The following RUBCN variants were observed in gnomAD, a reference collection of about 807,000 sequenced individuals.
RUBCN encodes run domain Beclin-1-interacting and cysteine-rich domain-containing protein.
RUBCN carries 74 observed loss-of-function variants against 113.2 expected under a neutral mutation model. That is an observed-to-expected ratio of 0.65 (90% CI 0.54 to 0.79). The LOEUF (loss-of-function observed/expected upper bound fraction) is 0.79, where lower values mean the gene tolerates loss of function less well. Ranked by LOEUF, RUBCN falls within the 30% of genes least tolerant of loss-of-function variation. The pLI is 0.00. For synonymous variants in RUBCN, 480 were observed against 490.0 expected (o/e 0.98, Z 0.27); for missense variants, 1,109 against 1,251.7 (o/e 0.89, Z 1.72).
At chr3:197,677,835 G>A (rs894166292) in intron 16 of RUBCN, among the ~76,000 whole-genome samples, 1 of 134,310 alleles carries the variant, frequency 7.4e-6, no homozygotes, top group Non-Finnish European at 1.6e-5. Flanking sequence ...GCTTCAGACT[G>A]TCCCACGCTC....
upstream of RUBCN, among the ~76,000 whole-genome samples, chr3:197,738,626 C>G (rs984146192): frequency 2.0e-5 from 3 of 152,240 alleles, no homozygotes; most frequent in Non-Finnish European, 2.9e-5. Flanking sequence ...TGCTCTGTCA[C>G]CCAGGCTGGG....
At chr3:197,694,222 G>C (rs1056190509) in intron 10 of RUBCN, 153 bp downstream of exon 10, 1 of 797,122 alleles carries the variant, frequency 1.3e-6, no homozygotes, top group Non-Finnish European at 2.2e-6. Flanking sequence ...GCAGGAAACG[G>C]AGCGACTCTA....
At chr3:197,726,805 GC>G (rs1275702323) in intron 1 of RUBCN, among the ~76,000 whole-genome samples, 1 of 152,050 alleles carries the variant, frequency 6.6e-6, no homozygotes, top group African/African-American at 2.4e-5. Flanking sequence ...CTCCCAAAGT[GC>G]TGGGATTACA....
intron 11 of RUBCN, among the ~76,000 whole-genome samples, chr3:197,693,332 T>C (rs1217578414): frequency 6.6e-6 from 1 of 152,240 alleles, no homozygotes; most frequent in Non-Finnish European, 1.5e-5. Flanking sequence ...TTTTTGTCCT[T>C]TTCTCTTTTG....
intron 17 of RUBCN, 104 bp from the exon 18 acceptor site, chr3:197,677,142 C>A: frequency 1.6e-6 from 2 of 1,259,162 alleles, no homozygotes; most frequent in Middle Eastern, 2.6e-4. Flanking sequence ...TGAGGGTGGG[C>A]ACCCATCAGC....
chr3:197,704,840 G>C, intron 3 of RUBCN, 139 bp from the exon 4 acceptor site: 1 of 1,043,790 alleles, frequency 9.6e-7, no homozygotes. Context: ...ATGTAGGCAG[G>C]CTTTTTTGAA....
In RUBCN at chr3:197,691,188, C is replaced by T. The variant is rs1168821369; in HGVS notation, c.1786+2527G>A. On this transcript the variant is annotated intron_variant, in intron 11 of 19. Coordinates refer to ENST00000296343, the MANE Select transcript of RUBCN (RefSeq NM_014687.4). ...TGATAAAAGGGGGCCCTTAGTATTC[C>T]AGCAGGAAATAAACTAATATTCTAT... The T allele has an allele frequency of 4.8e-6, 5 of 1,039,072 alleles. No individual in the cohort carries two copies. In the Admixed American group the frequency reaches 9.3e-5, roughly 19 times the overall value. 64.4% of individuals were successfully genotyped at this position (1,039,072 alleles called of 1,614,324 possible). A position where few individuals can be genotyped will look rare whatever the true frequency, so the allele number is the denominator to read the frequency against.
At chr3:197,740,247 T>TC (rs1728470586), upstream of RUBCN, among the ~76,000 whole-genome samples, 1 of 151,646 alleles carries the variant, frequency 6.6e-6, no homozygotes, top group African/African-American at 2.4e-5. Context: ...TGTTTTTTTT[T>TC]CTTTTGAGAT....
At chr3:197,687,298 G>A (rs1721956255) in intron 11 of RUBCN, among the ~76,000 whole-genome samples, 1 of 152,188 alleles carries the variant, frequency 6.6e-6, no homozygotes, top group African/African-American at 2.4e-5. Flanking sequence ...AAAAGGGATG[G>A]GGGAGAAGGA....
At chr3:197,701,684 G>T in intron 6 of RUBCN, 24 bp downstream of exon 6, 1 of 1,610,374 alleles carries the variant, frequency 6.2e-7, no homozygotes, top group South Asian at 1.1e-5. Flanking sequence ...TAAATGTAAT[G>T]ACCACTTTTT....
At chr3:197,689,829 A>G (rs1233129775) in intron 11 of RUBCN, among the ~76,000 whole-genome samples, 3 of 152,116 alleles carry the variant, frequency 2.0e-5, no homozygotes, top group Admixed American at 2.0e-4. Flanking sequence ...AATACTTCGA[A>G]TCTCTTCTAG....
intron 1 of RUBCN, among the ~76,000 whole-genome samples, chr3:197,744,959 C>G (rs551479420): frequency 2.6e-4 from 39 of 152,190 alleles, no homozygotes; most frequent in African/African-American, 8.2e-4. Context: ...CAGTATGTGT[C>G]TTTTATTATC....
chr3:197,714,730 T>C (rs1316699113), intron 2 of RUBCN, among the ~76,000 whole-genome samples: 1 of 152,148 alleles, frequency 6.6e-6, no homozygotes, highest in Non-Finnish European at 1.5e-5. Flanking sequence ...AGCTTAGAGT[T>C]CCAGGTAGTT....
intron 1 of RUBCN, among the ~76,000 whole-genome samples, chr3:197,742,120 C>T (rs1728550499): frequency 6.6e-6 from 1 of 151,936 alleles, no homozygotes; most frequent in African/African-American, 2.4e-5. Context: ...TGGTTTCGAT[C>T]TCCTGACCTC....
chr3:197,680,903 T>C (rs1721143924), intron 16 of RUBCN, among the ~76,000 whole-genome samples: 1 of 150,914 alleles, frequency 6.6e-6, no homozygotes, highest in Non-Finnish European at 1.5e-5. Flanking sequence ...AGTGAGGGCA[T>C]GAACGGAGAG....
In RUBCN at chr3:197,669,750, A is replaced by G. The variant is rs1361880360; in HGVS notation, c.*5268T>C. Among the ~76,000 whole-genome samples, 2 of 152,228 alleles carry G rather than the reference A, an allele frequency of 1.3e-5. No individual in the cohort carries two copies. The highest frequency in any genetic ancestry group is 2.9e-5 in the Non-Finnish European group (2 of 68,044). On this transcript the variant is annotated 3_prime_UTR_variant, in exon 20 of 20. Transcript: ENST00000296343. The stretch of plus-strand genomic sequence containing the variant: ...GGGAGAATTTACGTATTTTGTTTAG[A>G]ATTCTTCTGTGAGAATTTATTTATT...
chr3:197,714,712 G>A (rs1262098197), intron 2 of RUBCN, among the ~76,000 whole-genome samples: 1 of 152,142 alleles, frequency 6.6e-6, no homozygotes, highest in Admixed American at 6.5e-5. Context: ...TGATAAAAAA[G>A]CAAGATGAGC....
chr3:197,749,501 C>G (rs781742770), exon 1 of RUBCN: 48 of 1,288,006 alleles, frequency 3.7e-5, no homozygotes, highest in Non-Finnish European at 4.6e-5. Context: ...CAGCTGCAAT[C>G]TACACTCGCA....
In RUBCN at chr3:197,670,690, TCA is replaced by T. The variant is rs752453194; in HGVS notation, c.*4326_*4327del. Among the ~76,000 whole-genome samples, 3 of 152,232 alleles carry T rather than the reference TCA, an allele frequency of 2.0e-5. No homozygotes were observed. Among genetic ancestry groups the T allele is most frequent in the Admixed American group, 6.5e-5 (1 of 15,290 alleles). ...TTCACATGGCTTTTTCATTCTCCTC[TCA>T]GTTTAATTTGTAAATATGAAGATTT... On this transcript the variant is annotated 3_prime_UTR_variant, in exon 20 of 20. Coordinates refer to ENST00000296343, the MANE Select transcript of RUBCN (RefSeq NM_014687.4).
Sources: gnomAD v4.1 joint callset for allele counts (sites outside exome capture counted in the v4.1 genomes callset) on GRCh38, gnomAD v4.1.1 for gene constraint, MANE v1.5 for transcripts, NCBI Gene and HGNC (gene_info 2026-07-23, HGNC 2026-07-21) for gene names.